The following MAP7D2 variants were observed in gnomAD, a reference collection of about 807,000 sequenced individuals.
MAP7D2 encodes the protein MAP7 domain-containing protein 2.
MAP7D2 carries 33 observed loss-of-function variants against 63.5 expected under a neutral mutation model. That is an observed-to-expected ratio of 0.52 (90% CI 0.39 to 0.70). MAP7D2 has a LOEUF of 0.70. Among genes scored for constraint, MAP7D2 ranks in the 30% least tolerant of loss-of-function variants. MAP7D2 has a pLI of 0.00. For synonymous variants in MAP7D2, 224 were observed against 223.7 expected (o/e 1.00, Z -0.01); for missense variants, 626 against 604.0 (o/e 1.04, Z -0.38).
rs2065310012 is a variant in MAP7D2, at chrX:20,064,822, T to G, written c.131-17A>C. ...CCTCCATGCCTACAAAGGAGAAAAC[T>G]AGATTATGTTTCAGTTCTTCACTCT... On this transcript the variant is annotated splice_polypyrimidine_tract_variant and intron_variant, in intron 1 of 16. Coordinates refer to ENST00000379643, the MANE Select transcript of MAP7D2 (RefSeq NM_001168465.2). 8.5e-7 allele frequency: 1 copy of G among 1,179,330 alleles called. No homozygotes were observed. Among genetic ancestry groups the G allele is most frequent in the African/African-American group, 1.8e-5 (1 of 56,366 alleles).
At chrX:20,057,665 A>C (rs1010113115) in intron 3 of MAP7D2, among the ~76,000 whole-genome samples, 1 of 111,768 alleles carries the variant, frequency 8.9e-6, no homozygotes, top group African/African-American at 3.3e-5. Context: ...TCCACTGGAG[A>C]AGGCCTGAGC....
At chrX:20,095,325 G>C (rs1032274388) in intron 1 of MAP7D2, among the ~76,000 whole-genome samples, 1 of 111,387 alleles carries the variant, frequency 9.0e-6, no homozygotes, top group Admixed American at 9.6e-5. Context: ...GATCATTTGA[G>C]GCCAGGAATT....
chrX:20,083,657 C>G (rs1042671727), intron 1 of MAP7D2, among the ~76,000 whole-genome samples: 1 of 112,034 alleles, frequency 8.9e-6, no homozygotes, highest in Non-Finnish European at 1.9e-5. Context: ...TCAATACATA[C>G]ATTTCTATTA....
chrX:20,104,013 A>G (rs183146300), intron 1 of MAP7D2, among the ~76,000 whole-genome samples: 89 of 112,247 alleles, frequency 7.9e-4, no homozygotes, highest in African/African-American at 2.6e-3. Flanking sequence ...GAGAAACTAA[A>G]ACACAACTAA....
Position 20,042,616 on chromosome X carries a change from T to C in MAP7D2, c.893A>G (p.Lys298Arg). The change falls in exon 8 of 17, where the codon AAG becomes AGG. Residue 298 changes from lysine to arginine, a missense_variant. Physicochemically the swap from Lys to Arg is conservative, Grantham distance 26 (BLOSUM62 2). Coordinates refer to ENST00000379643, the MANE Select transcript of MAP7D2 (RefSeq NM_001168465.2). ...GGEASLVEKV[K>R]RGQRTATSLP... The stretch of plus-strand genomic sequence containing the variant: ...AGAAGTTGCTGTTCGTTGCCCCCGC[T>C]TCACCTTCTCCACCTGTAGGGGACA... 14 of 1,211,555 alleles carry C rather than the reference T, an allele frequency of 1.2e-5. No homozygotes were observed. Among genetic ancestry groups the C allele is most frequent in the Non-Finnish European group, 1.6e-5 (14 of 895,421 alleles).
intron 1 of MAP7D2, among the ~76,000 whole-genome samples, chrX:20,110,346 G>A (rs184269781): frequency 4.0e-4 from 44 of 109,455 alleles, no homozygotes; most frequent in Non-Finnish European, 6.7e-4. Flanking sequence ...AAAATTAGCC[G>A]AGCGTGCTAG....
At chrX:20,030,141 T>C (rs1220627593) in intron 8 of MAP7D2, among the ~76,000 whole-genome samples, 1 of 112,520 alleles carries the variant, frequency 8.9e-6, no homozygotes, top group Non-Finnish European at 1.9e-5. Context: ...TGGAGGTTTA[T>C]TCTGAAGTAC....
chrX:20,038,630 G>T (rs1255524516), intron 8 of MAP7D2, among the ~76,000 whole-genome samples: 1 of 111,433 alleles, frequency 9.0e-6, no homozygotes, highest in African/African-American at 3.3e-5. Context: ...CACCCCTAGT[G>T]ACCCATTAGC....
intron 8 of MAP7D2, among the ~76,000 whole-genome samples, chrX:20,034,286 G>C (rs1161323436): frequency 1.0e-5 from 1 of 99,581 alleles, no homozygotes; most frequent in African/African-American, 3.7e-5. Context: ...GCAGTGGCTC[G>C]CACCTGTAAC....
intron 1 of MAP7D2, among the ~76,000 whole-genome samples, chrX:20,115,259 C>A (rs866304595): frequency 1.7e-3 from 167 of 96,002 alleles, no homozygotes; most frequent in African/African-American, 3.6e-3. Flanking sequence ...AAAAAAAAAA[C>A]CCCTTAAGTT....
chrX:20,054,422 G>T lies in MAP7D2; in HGVS notation c.485-1434C>A, dbSNP rs1045691115. Among the ~76,000 whole-genome samples the T allele has an allele frequency of 6.3e-5, 7 of 110,997 alleles. No individual in the cohort carries two copies. In the East Asian group the frequency reaches 2.0e-3, roughly 31 times the overall value. ...TTATGGATTGTTTTGCATTAATTTG[G>T]ATTTTAAAAAATATCACATTAAGAT... On this transcript the variant is annotated intron_variant, in intron 4 of 16. Coordinates refer to ENST00000379643, the MANE Select transcript of MAP7D2 (RefSeq NM_001168465.2).
intron 8 of MAP7D2, among the ~76,000 whole-genome samples, chrX:20,027,317 A>G (rs944550725): frequency 8.9e-6 from 1 of 112,566 alleles, no homozygotes; most frequent in African/African-American, 3.2e-5. Context: ...CAGAGTGCTT[A>G]GCAATCAGGT....
intron 1 of MAP7D2, among the ~76,000 whole-genome samples, chrX:20,111,478 T>C (rs989872181): frequency 1.8e-5 from 2 of 111,582 alleles, no homozygotes; most frequent in Non-Finnish European, 3.8e-5. Flanking sequence ...AAACCTCTAA[T>C]GCATGAAGAC....
At chrX:20,109,519 CAAAAAAA>C (rs60683453) in intron 1 of MAP7D2, among the ~76,000 whole-genome samples, 2 of 32,988 alleles carry the variant, frequency 6.1e-5, no homozygotes, top group Non-Finnish European at 5.5e-5. Flanking sequence ...GACTCCGTCT[CAAAAAAA>C]AAAAAAAAAA....
Position 20,063,449 on chromosome X carries a change from C to A in MAP7D2, c.337G>T (p.Glu113Ter), listed in dbSNP as rs1295802375. The change falls in exon 3 of 17, where the codon GAA (glutamate) becomes TAA (stop). Residue 113 changes from glutamate (E) to a stop codon, truncating the protein, a stop_gained. Transcript: ENST00000379643. LOFTEE classifies it high-confidence loss of function. ...QREDQKRAAV[E>*]EKRKQKLREE... ...CGGAGCTTCTGTTTCCTTTTCTCTT[C>A]CACAGCAGCTCTCTTTTGGTCCTCC... 2 of 1,211,850 alleles carry A rather than the reference C, an allele frequency of 1.7e-6. No homozygotes were observed. The highest frequency in any genetic ancestry group is 2.2e-6 in the Non-Finnish European group (2 of 895,498).
At chrX:20,106,071 C>T (rs1020845527) in intron 1 of MAP7D2, among the ~76,000 whole-genome samples, 2 of 111,976 alleles carry the variant, frequency 1.8e-5, no homozygotes, top group African/African-American at 3.2e-5. Context: ...AACAATAATC[C>T]ACTCATGAGG....
chrX:20,026,030 C>A, intron 8 of MAP7D2, 78 bp from the exon 9 acceptor site: 1 of 1,056,383 alleles, frequency 9.5e-7, no homozygotes. Context: ...CACCTAGTTC[C>A]AACAAGCTGA....
chrX:20,109,085 G>C (rs1603410544), intron 1 of MAP7D2, among the ~76,000 whole-genome samples: 1 of 108,914 alleles, frequency 9.2e-6, no homozygotes, highest in Non-Finnish European at 1.9e-5. Flanking sequence ...TAAGTAAAAG[G>C]CATACAAGAT....
At chrX:20,048,367 G>T (rs1266727656) in intron 6 of MAP7D2, among the ~76,000 whole-genome samples, 2 of 111,095 alleles carry the variant, frequency 1.8e-5, no homozygotes, top group African/African-American at 6.6e-5. Context: ...CATTGCTGGG[G>T]TGAAAGGCGT....
Sources: allele counts gnomAD v4.1 joint callset (sites outside exome capture counted in the v4.1 genomes callset), GRCh38; gene constraint gnomAD v4.1.1; transcripts MANE v1.5; gene names NCBI Gene and HGNC (gene_info 2026-07-23, HGNC 2026-07-21).